Variants in CRYL1 observed in about 807,000 individuals in gnomAD.
CRYL1 encodes lambda-crystallin homolog.
A neutral mutation model predicts 36.6 loss-of-function variants in CRYL1; 29 were observed. The observed-to-expected ratio is 0.79, with a 90% confidence interval of 0.59 to 1.08. CRYL1 has a LOEUF of 1.08. CRYL1 is among the 50% of genes least tolerant of loss of function. The pLI, the probability that CRYL1 is intolerant of heterozygous loss-of-function variation, is 0.00. For missense variants in CRYL1, 411 were observed against 407.9 expected (o/e 1.01, Z -0.06); for synonymous variants, 152 against 151.5 (o/e 1.00, Z -0.02).
Position 20,489,379 on chromosome 13 carries a change from C to T in CRYL1, c.267G>A (p.Met89Ile), listed in dbSNP as rs1329885180. The change falls in exon 3 of 8, where the codon ATG becomes ATA. Residue 89 changes from methionine (M) to isoleucine (I), a missense_variant. Met to Ile is a conservative substitution (Grantham distance 10). Transcript: ENST00000298248. Reference sequence around the variant, plus strand: ...AGTGTCCTTCACTCACCTGAATGTGCATGGCACCCTCTACTGCTTCTTGGA... The same window carrying T: ...AGTGTCCTTCACTCACCTGAATGTGTATGGCACCCTCTACTGCTTCTTGGA... ...PNIQEAVEGAMHIQECVPEDL... is the reference protein window; with the variant it reads ...PNIQEAVEGAIHIQECVPEDL... 6.2e-7 allele frequency: 1 copy of T among 1,613,378 alleles called. No homozygotes were observed. The highest frequency in any genetic ancestry group is 1.1e-5 in the South Asian group (1 of 91,086).
chr13:20,458,888 G>A (rs1424471831), intron 3 of CRYL1, among the ~76,000 whole-genome samples: 2 of 152,136 alleles, frequency 1.3e-5, no homozygotes, highest in Admixed American at 6.5e-5. Flanking sequence ...TCATTCAATT[G>A]TGCCCTTTTA....
intron 5 of CRYL1, among the ~76,000 whole-genome samples, chr13:20,423,627 A>G (rs2031867750): frequency 1.3e-5 from 2 of 151,704 alleles, no homozygotes; most frequent in South Asian, 4.2e-4. Context: ...TATGTTATTA[A>G]ATATAGGATC....
At chr13:20,414,250 A>ATT (rs1201011751) in intron 5 of CRYL1, among the ~76,000 whole-genome samples, 1,929 of 150,352 alleles carry the variant, frequency 0.013, 19 homozygotes, top group Non-Finnish European at 0.019. Context: ...CTAAAAAGAG[A>ATT]TTTTTTGTGT....
intron 5 of CRYL1, chr13:20,431,478 G>A (rs2032058155): frequency 4.0e-6 from 4 of 991,808 alleles, no homozygotes; most frequent in Non-Finnish European, 4.8e-6. Context: ...TCGTCCTGGG[G>A]TCCAGCTGAC....
intron 3 of CRYL1, among the ~76,000 whole-genome samples, chr13:20,473,960 G>A (rs1451180170): frequency 2.0e-5 from 3 of 152,152 alleles, no homozygotes; most frequent in Non-Finnish European, 2.9e-5. Flanking sequence ...TAATTTCATT[G>A]AGGGTCACCC....
At chr13:20,513,460 T>G (rs1049754220) in intron 1 of CRYL1, 1 of 152,252 alleles carries the variant, frequency 6.6e-6, no homozygotes, top group Non-Finnish European at 1.5e-5. Context: ...CCTATGTTAA[T>G]CTTTACAACA....
Position 20,488,901 on chromosome 13 carries a change from T to C in CRYL1, c.276+469A>G, listed in dbSNP as rs2033452460. ...CATCCCGCTGTGCAAACAACCCTCA[T>C]GAGGATTTCTCTTTTTTAAAGTAAA... On this transcript the variant is annotated intron_variant, in intron 3 of 7. Coordinates refer to ENST00000298248, the MANE Select transcript of CRYL1 (RefSeq NM_015974.3). 3.3e-5 allele frequency among the ~76,000 whole-genome samples: 5 copies of C among 152,364 alleles called. No individual in the cohort carries two copies. The South Asian group carries it at 1.0e-3, about 32-fold the overall frequency.
chr13:20,522,643 A>G (rs2034115770), intron 1 of CRYL1, among the ~76,000 whole-genome samples: 1 of 152,132 alleles, frequency 6.6e-6, no homozygotes, highest in Non-Finnish European at 1.5e-5. Context: ...CTTTTCCTGG[A>G]GGAGACAGTC....
intron 3 of CRYL1, among the ~76,000 whole-genome samples, chr13:20,465,004 C>T (rs1400578168): frequency 7.7e-6 from 1 of 129,350 alleles, no homozygotes; most frequent in Non-Finnish European, 1.8e-5. Flanking sequence ...CTTTAGTCAA[C>T]TAAAAAGATT....
chr13:20,465,895 AG>A (rs1456266302), intron 3 of CRYL1, among the ~76,000 whole-genome samples: 19 of 148,324 alleles, frequency 1.3e-4, no homozygotes, highest in African/African-American at 4.5e-4. Context: ...GCCCTCCTGG[AG>A]GGGGGCTATG....
At chr13:20,454,447 T>G (rs1368161390) in intron 3 of CRYL1, among the ~76,000 whole-genome samples, 1 of 150,492 alleles carries the variant, frequency 6.6e-6, no homozygotes, top group Non-Finnish European at 1.5e-5. Context: ...GATGGAGTCT[T>G]GCTCTTGTCG....
At chr13:20,524,306 T>C (rs1196175915) in intron 1 of CRYL1, among the ~76,000 whole-genome samples, 5 of 152,072 alleles carry the variant, frequency 3.3e-5, no homozygotes, top group Non-Finnish European at 7.4e-5. Flanking sequence ...TGTATATATA[T>C]ACACACACAC....
chr13:20,415,466 C>A lies in CRYL1; in HGVS notation c.634-2079G>T, dbSNP rs995694744. On this transcript the variant is annotated intron_variant, in intron 5 of 7. Coordinates refer to ENST00000298248, the MANE Select transcript of CRYL1 (RefSeq NM_015974.3). The surrounding 1 kb of genome is among the most constrained non-coding windows in gnomAD (Gnocchi z 4.1). ...CGCCCTGCGTCTGCAGAGAGCGCGGCGGTGAAGCGGGAGCAGGCGGCCTGG... is the reference window on the plus strand; with the variant it reads ...CGCCCTGCGTCTGCAGAGAGCGCGGAGGTGAAGCGGGAGCAGGCGGCCTGG... Among the ~76,000 whole-genome samples, 4 of 152,190 alleles carry A rather than the reference C, an allele frequency of 2.6e-5. No homozygotes were observed. The highest frequency in any genetic ancestry group is 5.9e-5 in the Non-Finnish European group (4 of 68,024).
intron 2 of CRYL1, among the ~76,000 whole-genome samples, chr13:20,504,282 T>TTTTTC (rs1220796164): frequency 2.5e-4 from 38 of 151,726 alleles, no homozygotes; most frequent in East Asian, 1.7e-3. Flanking sequence ...TTGCTTTTCT[T>TTTTTC]TTTTCTTTTC....
chr13:20,502,123 C>T (rs529753161), intron 2 of CRYL1, among the ~76,000 whole-genome samples: 1 of 152,180 alleles, frequency 6.6e-6, no homozygotes, highest in Non-Finnish European at 1.5e-5. Context: ...CAAAGACTAC[C>T]TCCAGTTTGC....
rs773612158 is a variant in CRYL1 at position 20,413,333 on chromosome 13, T to C, written c.688A>G (p.Met230Val). ...AGGGGTCCAATGAATGCATACCGCATGCCCAACCCTTCTGACATGACAAGG... is the reference window on the plus strand; with the variant it reads ...AGGGGTCCAATGAATGCATACCGCACGCCCAACCCTTCTGACATGACAAGG... ...LDLVMSEGLG[M>V]RYAFIGPLET... Residue 230 changes from methionine (M) to valine (V), a missense_variant, in exon 6 of 8, where the codon ATG becomes GTG. By Grantham distance (21) the Met-to-Val change is conservative (BLOSUM62 1). Coordinates refer to ENST00000298248, the MANE Select transcript of CRYL1 (RefSeq NM_015974.3). The C allele has an allele frequency of 6.2e-7, 1 of 1,613,946 alleles. No individual in the cohort carries two copies. The highest frequency in any genetic ancestry group is 8.5e-7 in the Non-Finnish European group (1 of 1,179,938).
chr13:20,525,719 C>T lies in CRYL1; in HGVS notation c.41+35G>A, dbSNP rs2034179733. On this transcript the variant is annotated intron_variant, in intron 1 of 7. Transcript: ENST00000298248. The surrounding 1 kb of genome is among the most constrained non-coding windows in gnomAD (Gnocchi z 4.3). ...ACCACGTCCCCGGCGTCTCCCCGGG[C>T]TCCAGGGGCAGCAGCGCGGCTCGGA... 2 of 1,341,512 alleles carry T rather than the reference C, an allele frequency of 1.5e-6. No individual in the cohort carries two copies. The highest frequency in any genetic ancestry group is 1.9e-6 in the Non-Finnish European group (2 of 1,042,554). The allele number at this position is 1,341,512 out of a possible 1,614,324, so 83.1% of individuals were successfully genotyped here. A position where few individuals can be genotyped will look rare whatever the true frequency, so the allele number is the denominator to read the frequency against.
At chr13:20,491,253 C>T (rs2033506930) in intron 2 of CRYL1, among the ~76,000 whole-genome samples, 1 of 151,554 alleles carries the variant, frequency 6.6e-6, no homozygotes, top group South Asian at 2.1e-4. Flanking sequence ...ATGTTTTTCT[C>T]ATATAAGTAA....
intron 2 of CRYL1, among the ~76,000 whole-genome samples, chr13:20,500,765 G>T (rs142329819): frequency 6.6e-6 from 1 of 152,276 alleles, no homozygotes; most frequent in Non-Finnish European, 1.5e-5. Flanking sequence ...ATGACCAGAT[G>T]CCCCATGGTT....
Sources: gnomAD v4.1 joint callset for allele counts (sites outside exome capture counted in the v4.1 genomes callset) on GRCh38, gnomAD v4.1.1 for gene constraint, Gnocchi (gnomAD v3.1) non-coding constraint, MANE v1.5 for transcripts, NCBI Gene and HGNC (gene_info 2026-07-23, HGNC 2026-07-21) for gene names.